The following SLC24A2 variants were observed in gnomAD, a reference collection of about 807,000 sequenced individuals.
SLC24A2 encodes solute carrier family 24 member 2, also known as sodium/potassium/calcium exchanger 2.
Under a neutral mutation model 62.0 loss-of-function variants are expected in SLC24A2, and 36 were observed. That is an observed-to-expected ratio of 0.58 (90% CI 0.44 to 0.77). The LOEUF (loss-of-function observed/expected upper bound fraction) is 0.77. Among genes scored for constraint, SLC24A2 ranks in the 30% least tolerant of loss-of-function variants. The pLI, the probability that SLC24A2 is intolerant of heterozygous loss-of-function variation, is 0.00. For missense variants in SLC24A2, 846 were observed against 817.9 expected, an observed-to-expected ratio of 1.03 and a Z score of -0.42; for synonymous variants, 358 against 294.0, an observed-to-expected ratio of 1.22 and a Z score of -2.23.
the SLC24A2 span, among the ~76,000 whole-genome samples, chr9:20,256,704 G>A: frequency 3.9e-5 from 6 of 152,168 alleles, no homozygotes; most frequent in East Asian, 3.9e-4. Context: ...TTCTAGAGCC[G>A]TGCATTCAGT....
intron 5 of SLC24A2, among the ~76,000 whole-genome samples, chr9:19,583,009 C>T (rs1362617090): frequency 5.3e-5 from 8 of 152,174 alleles, no homozygotes; most frequent in Admixed American, 4.6e-4. Flanking sequence ...CCCAGCCAGT[C>T]TCATCCCAGC....
chr9:20,258,144 C>A, the SLC24A2 span, among the ~76,000 whole-genome samples: 1 of 152,158 alleles, frequency 6.6e-6, no homozygotes, highest in Non-Finnish European at 1.5e-5. Context: ...ACATCCGGAA[C>A]GGTGATATGT....
At chr9:20,119,630 A>G in the SLC24A2 span, among the ~76,000 whole-genome samples, 1 of 152,204 alleles carries the variant, frequency 6.6e-6, no homozygotes, top group African/African-American at 2.4e-5. Context: ...AGCAACCATA[A>G]AAAGCCTACA....
intron 2 of SLC24A2, among the ~76,000 whole-genome samples, chr9:19,769,740 C>G (rs984688044): frequency 2.0e-5 from 3 of 152,186 alleles, no homozygotes; most frequent in Non-Finnish European, 4.4e-5. Context: ...ATGTTCCACA[C>G]TCCAAGCCAT....
chr9:20,196,672 A>G, the SLC24A2 span, among the ~76,000 whole-genome samples: 2 of 152,230 alleles, frequency 1.3e-5, no homozygotes, highest in Admixed American at 6.5e-5. Context: ...GCATAGGATA[A>G]TAATTCATTA....
At chr9:20,246,055 A>G in the SLC24A2 span, among the ~76,000 whole-genome samples, 1 of 152,194 alleles carries the variant, frequency 6.6e-6, no homozygotes, top group African/African-American at 2.4e-5. Context: ...CATGCTCTGT[A>G]AGGAAAAGAA....
chr9:20,198,525 G>A, the SLC24A2 span, among the ~76,000 whole-genome samples: 1 of 152,088 alleles, frequency 6.6e-6, no homozygotes. Flanking sequence ...TCCCAGACAG[G>A]TCCAGCAGGC....
intron 2 of SLC24A2, among the ~76,000 whole-genome samples, chr9:19,715,058 C>A (rs1424015323): frequency 1.3e-5 from 2 of 151,974 alleles, no homozygotes; most frequent in Admixed American, 1.3e-4. Context: ...TTACCACCAC[C>A]ACCACCACCA....
At chr9:19,915,420 T>C in the SLC24A2 span, among the ~76,000 whole-genome samples, 1 of 152,138 alleles carries the variant, frequency 6.6e-6, no homozygotes, top group Non-Finnish European at 1.5e-5. Context: ...TGTGTGAACA[T>C]ATATTTTCAA....
the SLC24A2 span, among the ~76,000 whole-genome samples, chr9:20,176,281 T>C: frequency 6.6e-6 from 1 of 152,062 alleles, no homozygotes; most frequent in Non-Finnish European, 1.5e-5. Context: ...ATCTTCTGAT[T>C]TACTTCATTT....
the SLC24A2 span, among the ~76,000 whole-genome samples, chr9:20,288,897 G>A: frequency 6.6e-6 from 1 of 152,130 alleles, no homozygotes; most frequent in African/African-American, 2.4e-5. Flanking sequence ...GCCACATGAA[G>A]AGGTCATATG....
chr9:20,123,532 C>A, the SLC24A2 span, among the ~76,000 whole-genome samples: 2 of 152,122 alleles, frequency 1.3e-5, no homozygotes, highest in African/African-American at 2.4e-5. Flanking sequence ...GATCTAGCTT[C>A]AAATCTTATA....
chr9:20,126,241 T>C, the SLC24A2 span, among the ~76,000 whole-genome samples: 1 of 152,350 alleles, frequency 6.6e-6, no homozygotes, highest in East Asian at 1.9e-4. Flanking sequence ...TTGGTTTCAA[T>C]TTGAAATATC....
the SLC24A2 span, among the ~76,000 whole-genome samples, chr9:20,263,694 C>T: frequency 0.12 from 18,091 of 152,116 alleles, 1,152 homozygotes; most frequent in Middle Eastern, 0.16. Flanking sequence ...TTTGTAGTAG[C>T]CAGCACTAGT....
chr9:19,572,259 C>CAAAAAA (rs34529143), intron 7 of SLC24A2, among the ~76,000 whole-genome samples: 1 of 69,784 alleles, frequency 1.4e-5, no homozygotes, highest in African/African-American at 6.1e-5. Flanking sequence ...GAGTCCGTCT[C>CAAAAAA]AAAAAAAAAA....
At chr9:19,956,987 G>A in the SLC24A2 span, among the ~76,000 whole-genome samples, 2 of 152,154 alleles carry the variant, frequency 1.3e-5, no homozygotes, top group Admixed American at 6.5e-5. Flanking sequence ...CCCAGCCTCC[G>A]GACTGTGAGA....
At chr9:19,570,577 GAGCTCTTTCA>G (rs1446275748) in intron 7 of SLC24A2, among the ~76,000 whole-genome samples, 1 of 152,116 alleles carries the variant, frequency 6.6e-6, no homozygotes, top group South Asian at 2.1e-4. Flanking sequence ...TACATACAAT[GAGCTCTTTCA>G]AGGAAAGGAC....
chr9:19,948,472 AAAAT>A, the SLC24A2 span, among the ~76,000 whole-genome samples: 2 of 152,374 alleles, frequency 1.3e-5, no homozygotes, highest in African/African-American at 4.8e-5. Context: ...AATTTTAAGT[AAAAT>A]AAATATATGT....
At chr9:20,229,301 T>C in the SLC24A2 span, among the ~76,000 whole-genome samples, 3 of 152,116 alleles carry the variant, frequency 2.0e-5, no homozygotes, top group Non-Finnish European at 4.4e-5. Flanking sequence ...CTTTGACCTG[T>C]TGTGCTCTGG....
Sources: gnomAD v4.1 joint callset for allele counts (sites outside exome capture counted in the v4.1 genomes callset) on GRCh38, gnomAD v4.1.1 for gene constraint, MANE v1.5 for transcripts, NCBI Gene and HGNC (gene_info 2026-07-23, HGNC 2026-07-21) for gene names.